Variants in CROCC observed in about 807,000 individuals in gnomAD.
The protein encoded by CROCC is ciliary rootlet coiled-coil, rootletin, also known as rootletin.
Under a neutral mutation model 245.2 loss-of-function variants are expected in CROCC, and 180 were observed. The ratio of observed to expected loss-of-function variants is 0.73; its 90% CI spans 0.65 to 0.83. CROCC has a LOEUF of 0.83. Among genes scored for constraint, CROCC ranks in the 40% least tolerant of loss-of-function variants. The pLI is 0.00. For missense variants in CROCC, 2,688 were observed against 2,779.4 expected, an observed-to-expected ratio of 0.97 and a Z score of 0.74; for synonymous variants, 1,205 against 1,241.6, an observed-to-expected ratio of 0.97 and a Z score of 0.62.
At chr1:16,947,265 T>C in intron 17 of CROCC, among the ~76,000 whole-genome samples, 1 of 152,246 alleles carries the variant, frequency 6.6e-6, no homozygotes, top group East Asian at 1.9e-4. Context: ...TCACCTGAGG[T>C]CCGGAGATCA....
At position 16,924,462 on chromosome 1, in the gene CROCC, A is replaced by G. The variant is rs779783996; in HGVS notation, c.334A>G (p.Asn112Asp). The stretch of plus-strand genomic sequence containing the variant: ...GCGCGATGAGCTCGCCATTAAGTAC[A>G]ATGCGGTCAGCGAGAGGGTGGGTGC... Reference protein sequence around the residue: ...AERDELAIKYNAVSERLEQAL... With the variant: ...AERDELAIKYDAVSERLEQAL... Residue 112 changes from asparagine (N) to aspartate (D), a missense_variant, in exon 3 of 37, where the codon AAT becomes GAT. Around this residue, in one of 9 missense-constraint regions of CROCC, gnomAD observed 972 missense variants for 895.3 expected, o/e 1.09. Coordinates refer to ENST00000375541, the MANE Select transcript of CROCC (RefSeq NM_014675.5). The G allele has an allele frequency of 2.5e-6, 4 of 1,612,516 alleles. No homozygotes were observed. The highest frequency in any genetic ancestry group is 2.2e-5 in the East Asian group (1 of 44,870).
rs1312168776 is a variant in CROCC at position 16,948,525 on chromosome 1, G to A, written c.2708+1G>A. The A allele has an allele frequency of 4.6e-6, 7 of 1,535,170 alleles. No individual in the cohort carries two copies. The Admixed American group carries it at 1.0e-4, about 22-fold the overall frequency. ...TGTCAGAGGAGGCCACACGCCTGCGGTAAGGCCTTGGGCTCTGCCCAACCC... is the reference window on the plus strand; with the variant it reads ...TGTCAGAGGAGGCCACACGCCTGCGATAAGGCCTTGGGCTCTGCCCAACCC... On this transcript the variant is annotated splice_donor_variant, in intron 18 of 36. Transcript: ENST00000375541. LOFTEE classifies it high-confidence loss of function.
chr1:16,959,630 C>G (rs2076298397), intron 26 of CROCC, among the ~76,000 whole-genome samples: 1 of 152,222 alleles, frequency 6.6e-6, no homozygotes, highest in African/African-American at 2.4e-5. Context: ...GGTTGACTCT[C>G]TAAATGGCAG....
intron 17 of CROCC, among the ~76,000 whole-genome samples, chr1:16,947,635 G>A (rs543198023): frequency 1.3e-5 from 2 of 152,338 alleles, no homozygotes; most frequent in South Asian, 2.1e-4. Context: ...GAGCGCCTAG[G>A]TTTCTGGGAG....
At chr1:16,922,220 C>A in intron 1 of CROCC, 142 bp downstream of exon 1, 1 of 833,302 alleles carries the variant, frequency 1.2e-6, no homozygotes, top group Non-Finnish European at 1.8e-6. Context: ...CCCCCGCTTG[C>A]AGTTCCTGGC....
intron 31 of CROCC, among the ~76,000 whole-genome samples, chr1:16,968,770 A>T (rs2076462256): frequency 6.6e-6 from 1 of 152,198 alleles, no homozygotes; most frequent in Non-Finnish European, 1.5e-5. Flanking sequence ...TTGCCTGAAC[A>T]CCCAACAAGG....
chr1:16,946,237 T>C (rs751765091), intron 15 of CROCC, 22 bp from the exon 16 acceptor site: 44 of 1,606,532 alleles, frequency 2.7e-5, no homozygotes, highest in Non-Finnish European at 3.2e-5. Context: ...CTTTCCTCAT[T>C]TCTCGGGGCC....
At position 16,922,046 on chromosome 1, in the gene CROCC, G is replaced by C; in HGVS notation, c.28G>C (p.Glu10Gln). Residue 10 changes from glutamate (E) to glutamine (Q), a missense_variant, in exon 1 of 37, where the codon GAG (glutamate) becomes CAG (glutamine). This residue lies in a region of CROCC where 972 missense variants were observed against 895.3 expected (regional missense o/e 1.09). Coordinates refer to ENST00000375541, the MANE Select transcript of CROCC (RefSeq NM_014675.5). MSLGLAGAQ[E>Q]VELTLETVIQ... ...GAGCTTGGGGCTGGCGGGGGCACAG[G>C]AGGTGGAGCTGACACTAGAGACGGT... is the stretch of plus-strand genomic sequence containing the variant. 1 of 1,550,874 alleles carries C rather than the reference G, an allele frequency of 6.4e-7. No individual in the cohort carries two copies. The highest frequency in any genetic ancestry group is 8.7e-7 in the Non-Finnish European group (1 of 1,146,876).
intron 20 of CROCC, 196 bp downstream of exon 20, chr1:16,951,318 G>A (rs2076156116): frequency 2.2e-6 from 1 of 455,976 alleles, no homozygotes; most frequent in East Asian, 3.6e-5. Flanking sequence ...CCCAAATCTG[G>A]TCCAGCCCTG....
rs766147521 is a variant in CROCC at position 16,938,949 on chromosome 1, G to A, written c.1415G>A (p.Gly472Asp). ...TCTGAGAGCGGCGTCCAGCTGAGCG[G>A]CTCTGAGCGCACCGCGGATGCTTCC... ...SDSESGVQLS[G>D]SERTADASNG... Residue 472 changes from glycine to aspartate, a missense_variant, in exon 12 of 37, where the codon GGC becomes GAC. Physicochemically the swap from Gly to Asp is moderately conservative, Grantham distance 94. Transcript: ENST00000375541. 6 of 1,604,362 alleles carry A rather than the reference G, an allele frequency of 3.7e-6. No individual in the cohort carries two copies. The highest frequency in any genetic ancestry group is 4.2e-6 in the Non-Finnish European group (5 of 1,177,542).
rs753918118 is a variant in CROCC, at chr1:16,930,321, C to T, written c.657C>T (p.Leu219=). The T allele has an allele frequency of 4.3e-6, 7 of 1,609,256 alleles. No homozygotes were observed. In the South Asian group the frequency reaches 6.6e-5, roughly 15 times the overall value. ...ACAGCCAAGACCTGGAAAGCGCCCT[C>T]ATCCGGCTGGAGGAGGAGCAGCAGA... ...TEHSQDLESA[L]IRLEEEQQRS... The change falls in exon 6 of 37, where the codon CTC becomes CTT. Residue 219 remains leucine (L), a synonymous_variant. Coordinates refer to ENST00000375541, the MANE Select transcript of CROCC (RefSeq NM_014675.5).
intron 1 of CROCC, among the ~76,000 whole-genome samples, chr1:16,915,904 TGTG>T (rs1459714147): frequency 6.6e-6 from 1 of 152,152 alleles, no homozygotes; most frequent in African/African-American, 2.4e-5. Context: ...AGCAGCCAGG[TGTG>T]GTGGCTCATG....
intron 35 of CROCC, 178 bp downstream of exon 35, chr1:16,970,945 A>G: frequency 3.2e-6 from 2 of 625,854 alleles, no homozygotes; most frequent in Non-Finnish European, 4.9e-6. Context: ...GTGTACAGAA[A>G]AGACACGAAA....
In CROCC at chr1:16,971,564, C is replaced by T. The variant is rs1389379547; in HGVS notation, c.5884C>T (p.Arg1962Cys). ...LELQQEVERL[R>C]SAQAQTERTL... ...GCTGCAGCAGGAGGTGGAGCGGCTG[C>T]GCAGCGCCCAGGCGCAGACTGAGCG... Residue 1962 changes from arginine to cysteine, a missense_variant, in exon 36 of 37, where the codon CGC becomes TGC. This residue lies in a region of CROCC where 1,218 missense variants were observed against 1,286.3 expected (regional missense o/e 0.95). Coordinates refer to ENST00000375541, the MANE Select transcript of CROCC (RefSeq NM_014675.5). The T allele has an allele frequency of 5.2e-6, 8 of 1,536,376 alleles. No individual in the cohort carries two copies. Among genetic ancestry groups the T allele is most frequent in the Admixed American group, 2.0e-5 (1 of 50,908 alleles).
intron 16 of CROCC, 42 bp from the exon 17 acceptor site, chr1:16,946,719 G>C (rs2076054647): frequency 6.5e-7 from 1 of 1,536,730 alleles, no homozygotes. Context: ...GTCCTGGGAG[G>C]GACGCCCTGC....
chr1:16,916,010 C>T (rs377627119), intron 1 of CROCC, among the ~76,000 whole-genome samples: 2,149 of 150,792 alleles, frequency 0.014, no homozygotes, highest in African/African-American at 0.05. Context: ...GAAACCTCAT[C>T]TCTACTAATA....
chr1:16,945,253 G>C (rs1446271071), intron 14 of CROCC, among the ~76,000 whole-genome samples: 1 of 152,278 alleles, frequency 6.6e-6, no homozygotes, highest in East Asian at 1.9e-4. Context: ...ACAATGTCAC[G>C]AGGTAAGTGT....
intron 26 of CROCC, among the ~76,000 whole-genome samples, chr1:16,959,889 T>C (rs2076301728): frequency 6.6e-6 from 1 of 151,678 alleles, no homozygotes; most frequent in African/African-American, 2.4e-5. Context: ...CCTCCCCGCC[T>C]TTCCCCCACC....
rs765237754 is a variant in CROCC, at chr1:16,948,420, C to G, written c.2604C>G (p.Ala868=). The part of the protein sequence containing the change: ...QRQVEALERA[A]REKEALAKEH... ...AAGTGGAGGCGCTGGAGCGAGCGGC[C>G]CGTGAGAAGGAGGCGCTAGCCAAGG... The change falls in exon 18 of 37, where the codon GCC becomes GCG. Residue 868 remains alanine (A), a synonymous_variant. Transcript: ENST00000375541. The G allele has an allele frequency of 6.4e-7, 1 of 1,572,576 alleles. No homozygotes were observed. Among genetic ancestry groups the G allele is most frequent in the Admixed American group, 1.8e-5 (1 of 54,370 alleles).
Sources: gnomAD v4.1 joint callset for allele counts (sites outside exome capture counted in the v4.1 genomes callset) on GRCh38, gnomAD v4.1.1 for gene constraint, gnomAD v4.1.1 regional missense constraint, MANE v1.5 for transcripts, NCBI Gene and HGNC (gene_info 2026-07-23, HGNC 2026-07-21) for gene names.